Variants in MCPH1 observed in about 807,000 individuals in gnomAD.
MCPH1 encodes microcephalin 1.
In MCPH1, 104 loss-of-function variants were observed where a neutral mutation model predicts 84.5. That is an observed-to-expected ratio of 1.23 (90% CI 1.05 to 1.45). The LOEUF is 1.45. Among genes scored for constraint, MCPH1 ranks in the 40% most tolerant of loss-of-function variants. The pLI is 0.00. For missense variants in MCPH1, 1,498 were observed against 1,005.7 expected (o/e 1.49, Z -6.62); for synonymous variants, 514 against 366.8 (o/e 1.40, Z -4.58).
intron 3 of MCPH1, among the ~76,000 whole-genome samples, chr8:6,419,645 A>G (rs1415560650): frequency 6.7e-6 from 1 of 150,228 alleles, no homozygotes; most frequent in African/African-American, 2.5e-5. Context: ...CTTGTGATCC[A>G]CCTGCCTTGG....
intron 12 of MCPH1, among the ~76,000 whole-genome samples, chr8:6,600,873 A>G (rs187627416): frequency 2.0e-5 from 3 of 152,276 alleles, no homozygotes; most frequent in Admixed American, 2.0e-4. Context: ...ATTGCCTAGA[A>G]CTACTGGACA....
At position 6,438,958 on chromosome 8, in the gene MCPH1, G is replaced by A; in HGVS notation, c.442G>A (p.Asp148Asn). 1 of 1,611,888 alleles carries A rather than the reference G, an allele frequency of 6.2e-7. No individual in the cohort carries two copies. The highest frequency in any genetic ancestry group is 8.5e-7 in the Non-Finnish European group (1 of 1,178,652). Residue 148 changes from aspartate (D) to asparagine (N), a missense_variant, in exon 6 of 14, where the codon GAT (aspartate) becomes AAT (asparagine). Coordinates refer to ENST00000344683, the MANE Select transcript of MCPH1 (RefSeq NM_024596.5). Reference protein sequence around the residue: ...LQRQKTNLDDDVPILLFESNG... With the variant: ...LQRQKTNLDDNVPILLFESNG... ...GATTTTTTGTTTATTTTCAGATGAT[G>A]ATGTACCTATTCTCTTATTTGAATC...
intron 13 of MCPH1, among the ~76,000 whole-genome samples, chr8:6,628,194 G>C (rs897064046): frequency 2.6e-5 from 4 of 152,066 alleles, no homozygotes; most frequent in African/African-American, 9.7e-5. Flanking sequence ...ATTAAGGCTG[G>C]GCGCAGTGGC....
intron 12 of MCPH1, chr8:6,532,592 A>T: frequency 1.2e-6 from 1 of 806,192 alleles, no homozygotes; most frequent in Non-Finnish European, 1.8e-6. Context: ...AAAAAAAAAA[A>T]TCTATCAAAA....
intron 12 of MCPH1, among the ~76,000 whole-genome samples, chr8:6,608,119 G>A (rs117253306): frequency 1.3e-5 from 2 of 152,326 alleles, no homozygotes; most frequent in East Asian, 3.9e-4. Flanking sequence ...AGGAACTGGA[G>A]AGCAAACCAG....
intron 12 of MCPH1, among the ~76,000 whole-genome samples, chr8:6,534,540 AC>A (rs1200484848): frequency 6.6e-6 from 1 of 152,234 alleles, no homozygotes; most frequent in Non-Finnish European, 1.5e-5. Flanking sequence ...AAGTGCTGGG[AC>A]TACGAGCGTG....
intron 3 of MCPH1, among the ~76,000 whole-genome samples, chr8:6,427,701 A>G (rs1358325281): frequency 1.3e-5 from 2 of 151,944 alleles, no homozygotes; most frequent in Non-Finnish European, 1.5e-5. Flanking sequence ...TAAATAATCT[A>G]TCTCTCTGTT....
intron 12 of MCPH1, among the ~76,000 whole-genome samples, chr8:6,533,807 A>G (rs951998923): frequency 4.6e-5 from 7 of 152,152 alleles, no homozygotes; most frequent in Non-Finnish European, 8.8e-5. Context: ...CAGTCATCAG[A>G]CATGATTTCC....
chr8:6,509,755 C>G (rs1265433539), intron 12 of MCPH1, among the ~76,000 whole-genome samples: 2 of 152,144 alleles, frequency 1.3e-5, no homozygotes, highest in African/African-American at 4.8e-5. Context: ...ATACACCTGA[C>G]CTTTGGAGCA....
chr8:6,595,500 C>A (rs2922855), intron 12 of MCPH1, among the ~76,000 whole-genome samples: 5 of 152,178 alleles, frequency 3.3e-5, no homozygotes, highest in African/African-American at 1.2e-4. Context: ...GCCTGATGGA[C>A]GGCTGAGCCA....
intron 12 of MCPH1, among the ~76,000 whole-genome samples, chr8:6,570,481 A>T (rs773209560): frequency 5.9e-4 from 89 of 152,110 alleles, no homozygotes; most frequent in Middle Eastern, 6.3e-3. Flanking sequence ...CCCCCGCATT[A>T]TAGTTGTGTT....
chr8:6,567,350 G>C (rs901958781), intron 12 of MCPH1, among the ~76,000 whole-genome samples: 1 of 151,672 alleles, frequency 6.6e-6, no homozygotes, highest in Non-Finnish European at 1.5e-5. Context: ...CACACGGTGC[G>C]GTGACCATGT....
chr8:6,619,583 G>A (rs560927940), intron 12 of MCPH1, among the ~76,000 whole-genome samples: 21 of 151,842 alleles, frequency 1.4e-4, no homozygotes, highest in African/African-American at 3.1e-4. Context: ...GAGCCACTGC[G>A]CCCAGCCTTT....
At chr8:6,528,455 G>A (rs1344966175) in intron 12 of MCPH1, among the ~76,000 whole-genome samples, 1 of 152,146 alleles carries the variant, frequency 6.6e-6, no homozygotes, top group Non-Finnish European at 1.5e-5. Flanking sequence ...ATAATTTTTA[G>A]CCTGGGATTT....
chr8:6,589,718 A>T (rs1828288143), intron 12 of MCPH1, among the ~76,000 whole-genome samples: 1 of 152,220 alleles, frequency 6.6e-6, no homozygotes, highest in African/African-American at 2.4e-5. Flanking sequence ...TAGTGATCTC[A>T]AGTGTTTCCA....
chr8:6,495,826 C>G (rs1753891704), intron 11 of MCPH1, among the ~76,000 whole-genome samples: 1 of 152,180 alleles, frequency 6.6e-6, no homozygotes, highest in Non-Finnish European at 1.5e-5. Flanking sequence ...GAATGTAAAA[C>G]ATACTTTTGA....
chr8:6,639,853 G>A (rs1329463884), intron 13 of MCPH1, among the ~76,000 whole-genome samples: 1 of 151,872 alleles, frequency 6.6e-6, no homozygotes, highest in African/African-American at 2.4e-5. Context: ...CCATTGGGAG[G>A]TACTGTAATT....
chr8:6,494,545 T>C (rs1213735618), intron 11 of MCPH1: 2 of 152,188 alleles, frequency 1.3e-5, no homozygotes, highest in African/African-American at 4.8e-5. Flanking sequence ...ATATTAAATA[T>C]CGTTATTATT....
chr8:6,591,160 G>A (rs1452177691), intron 12 of MCPH1, among the ~76,000 whole-genome samples: 2 of 152,226 alleles, frequency 1.3e-5, no homozygotes, highest in South Asian at 2.1e-4. Flanking sequence ...GCCTCCCAAC[G>A]TGCTGGGATT....
Sources: allele counts gnomAD v4.1 joint callset (sites outside exome capture counted in the v4.1 genomes callset), GRCh38; gene constraint gnomAD v4.1.1; transcripts MANE v1.5; gene names NCBI Gene and HGNC (gene_info 2026-07-23, HGNC 2026-07-21).